TSEN15: variants seen among roughly 807,000 people sequenced by gnomAD.
TSEN15 encodes tRNA splicing endonuclease subunit 15.
In TSEN15, 10 loss-of-function variants were observed where a neutral mutation model predicts 20.5. The observed-to-expected ratio is 0.49, with a 90% CI of 0.30 to 0.83. The LOEUF (loss-of-function observed/expected upper bound fraction) is 0.83, where lower values mean the gene tolerates loss of function less well. Ranked by LOEUF, TSEN15 falls within the 40% of genes least tolerant of loss-of-function variation. The probability of loss-of-function intolerance (pLI) is 0.06; values close to 1 mark genes in which losing one functional copy is unlikely to be tolerated. For synonymous variants in TSEN15, 72 were observed against 80.1 expected (o/e 0.90, Z 0.54); for missense variants, 180 against 218.6 (o/e 0.82, Z 1.11).
rs949065235 is a variant in TSEN15, at chr1:184,074,002, A to C, written c.*1155A>C. On this transcript the variant is annotated 3_prime_UTR_variant, in exon 5 of 5. Transcript: ENST00000645668. ...AATGAATATTATTAAAAACATGAAA[A>C]TATTACCTTAAGTAAAAATTGCAAG... is the stretch of plus-strand genomic sequence containing the variant. The C allele has an allele frequency of 6.6e-6, 1 of 152,200 alleles. No individual in the cohort carries two copies. The highest frequency in any genetic ancestry group is 1.5e-5 in the Non-Finnish European group (1 of 68,026). The allele number at this position is 152,200 out of a possible 1,614,324, so 9.4% of individuals were successfully genotyped here. A position where few individuals can be genotyped will look rare whatever the true frequency, so the allele number is the denominator to read the frequency against.
intron 2 of TSEN15, 38 bp downstream of exon 2, chr1:184,054,473 G>A: frequency 6.7e-7 from 1 of 1,486,844 alleles, no homozygotes; most frequent in Non-Finnish European, 9.4e-7. Flanking sequence ...TATTGGGACT[G>A]TGGTAGAGAT....
chr1:184,071,897 GACA>G (rs576256300), intron 3 of TSEN15, among the ~76,000 whole-genome samples: 110 of 152,164 alleles, frequency 7.2e-4, no homozygotes, highest in African/African-American at 2.0e-3. Flanking sequence ...CAGATTCAGA[GACA>G]ACAATTTTGG....
chr1:184,090,725 G>A (rs1360004794), intron 3 of TSEN15, among the ~76,000 whole-genome samples: 1 of 152,202 alleles, frequency 6.6e-6, no homozygotes, highest in African/African-American at 2.4e-5. Flanking sequence ...ATTTATGGCA[G>A]ATGAGGTGTG....
chr1:184,058,438 T>C (rs1211441444), intron 3 of TSEN15, among the ~76,000 whole-genome samples: 1 of 152,044 alleles, frequency 6.6e-6, no homozygotes, highest in Non-Finnish European at 1.5e-5. Flanking sequence ...TGCAAATAAC[T>C]TTTTAACAAA....
chr1:184,057,574 G>T (rs1209411322), intron 3 of TSEN15, among the ~76,000 whole-genome samples: 1 of 151,984 alleles, frequency 6.6e-6, no homozygotes, highest in Non-Finnish European at 1.5e-5. Flanking sequence ...AATTTCTCTG[G>T]GTTTCAGTTT....
At chr1:184,071,306 A>G (rs1174866573) in intron 3 of TSEN15, 1 of 152,032 alleles carries the variant, frequency 6.6e-6, no homozygotes, top group Non-Finnish European at 1.5e-5. Context: ...TGGAGTAAAC[A>G]ATGACACCAG....
chr1:184,068,536 G>C (rs956971210), intron 3 of TSEN15, among the ~76,000 whole-genome samples: 1 of 151,982 alleles, frequency 6.6e-6, no homozygotes, highest in Non-Finnish European at 1.5e-5. Context: ...TTAAACAAAA[G>C]CTTGCAGTTC....
intron 3 of TSEN15, among the ~76,000 whole-genome samples, chr1:184,089,723 A>G (rs1055952043): frequency 6.6e-5 from 10 of 152,092 alleles, no homozygotes; most frequent in African/African-American, 2.4e-4. Flanking sequence ...AAAGTTAAAC[A>G]TTAAAAAAAA....
At chr1:184,057,868 G>A (rs1221114684) in intron 3 of TSEN15, among the ~76,000 whole-genome samples, 6 of 151,896 alleles carry the variant, frequency 4.0e-5, no homozygotes, top group African/African-American at 1.2e-4. Context: ...AGATTTAATC[G>A]CTAGTACTTT....
chr1:184,058,307 T>C (rs1650319688), intron 3 of TSEN15: 2 of 304,248 alleles, frequency 6.6e-6, no homozygotes, highest in South Asian at 6.5e-5. Flanking sequence ...CTTGTTTTTA[T>C]ATAAATATTC....
intron 3 of TSEN15, among the ~76,000 whole-genome samples, chr1:184,092,269 C>T (rs1220433064): frequency 2.0e-5 from 3 of 152,166 alleles, no homozygotes; most frequent in East Asian, 1.9e-4. Flanking sequence ...TTGTTCTCAA[C>T]CCATAGAAGG....
intron 3 of TSEN15, chr1:184,095,201 C>T: frequency 2.5e-6 from 1 of 397,780 alleles, no homozygotes; most frequent in East Asian, 3.6e-5. Flanking sequence ...TAGTCTCCAC[C>T]TGCCAGTTTC....
intron 3 of TSEN15, among the ~76,000 whole-genome samples, chr1:184,092,780 T>A (rs907868944): frequency 6.6e-6 from 1 of 152,208 alleles, no homozygotes; most frequent in Non-Finnish European, 1.5e-5. Flanking sequence ...ATGGGTTCCC[T>A]ACTGAGGGCC....
At chr1:184,054,287 T>G in intron 1 of TSEN15, 67 bp from the exon 2 acceptor site, 2 of 1,039,932 alleles carry the variant, frequency 1.9e-6, no homozygotes. Context: ...GATGACCACT[T>G]GATGATTGGA....
chr1:184,067,973 T>TAC (rs1557883621), intron 3 of TSEN15, among the ~76,000 whole-genome samples: 2 of 138,104 alleles, frequency 1.4e-5, no homozygotes, highest in African/African-American at 5.3e-5. Context: ...TATATATATG[T>TAC]ACATATGTAT....
intron 3 of TSEN15, 81 bp from the exon 4 acceptor site, chr1:184,072,076 A>T: frequency 1.4e-6 from 2 of 1,411,946 alleles, no homozygotes; most frequent in Non-Finnish European, 1.9e-6. Flanking sequence ...CCTGTTTTCA[A>T]GTTTTCTAGT....
At chr1:184,067,924 C>CAAAAAAAAAAAAAAAAAAAAA (rs71130650) in intron 3 of TSEN15, among the ~76,000 whole-genome samples, 1 of 54,882 alleles carries the variant, frequency 1.8e-5, no homozygotes, top group African/African-American at 9.3e-5. Context: ...CTCTCTCTCT[C>CAAAAAAAAAAAAAAAAAAAAA]AAAAAAAAAA....
chr1:184,075,721 A>G (rs79134147), downstream of TSEN15, among the ~76,000 whole-genome samples: 1 of 152,094 alleles, frequency 6.6e-6, no homozygotes, highest in Admixed American at 6.6e-5. Flanking sequence ...AGGAAATAGC[A>G]TAAATAAAAA....
At chr1:184,089,149 A>C (rs1490484895) in intron 3 of TSEN15, among the ~76,000 whole-genome samples, 1 of 152,236 alleles carries the variant, frequency 6.6e-6, no homozygotes, top group Non-Finnish European at 1.5e-5. Flanking sequence ...ACAAAATATC[A>C]ATTTTATTTA....
Sources: gnomAD v4.1 joint callset for allele counts (sites outside exome capture counted in the v4.1 genomes callset) on GRCh38, gnomAD v4.1.1 for gene constraint, MANE v1.5 for transcripts, NCBI Gene and HGNC (gene_info 2026-07-23, HGNC 2026-07-21) for gene names.